CSNK1G2: variants seen among roughly 807,000 people sequenced by gnomAD.
CSNK1G2 encodes the protein casein kinase I isoform gamma-2.
Under a neutral mutation model 48.0 loss-of-function variants are expected in CSNK1G2, and 11 were observed. The ratio of observed to expected loss-of-function variants is 0.23; its 90% CI spans 0.14 to 0.38. The LOEUF (loss-of-function observed/expected upper bound fraction) is 0.38, where lower values mean the gene tolerates loss of function less well. Ranked by LOEUF, CSNK1G2 falls within the 10% of genes least tolerant of loss-of-function variation. The pLI, the probability that CSNK1G2 is intolerant of heterozygous loss-of-function variation, is 1.00. For missense variants in CSNK1G2, 446 were observed against 595.5 expected (o/e 0.75, Z 2.61); for synonymous variants, 337 against 254.1 (o/e 1.33, Z -3.10).
intron 1 of CSNK1G2, among the ~76,000 whole-genome samples, chr19:1,962,743 C>T (rs1026871489): frequency 2.6e-5 from 4 of 152,026 alleles, no homozygotes; most frequent in African/African-American, 4.8e-5. Flanking sequence ...TGGAGGACGA[C>T]TCGGTGCAGC....
chr19:1,969,416 C>T (rs887149993), intron 1 of CSNK1G2, 92 bp from the exon 2 acceptor site: 5 of 176,254 alleles, frequency 2.8e-5, no homozygotes, highest in Non-Finnish European at 5.9e-5. Flanking sequence ...CCAGCAGTCT[C>T]CTGGCTGTGT....
chr19:1,981,334 C>T lies in CSNK1G2; in HGVS notation c.*1131C>T, dbSNP rs1031448556. The T allele has an allele frequency of 3.3e-5, 5 of 152,284 alleles. No homozygotes were observed. Among genetic ancestry groups the T allele is most frequent in the African/African-American group, 1.2e-4 (5 of 41,550 alleles). 9.4% of individuals were successfully genotyped at this position (152,284 alleles called of 1,614,324 possible). On this transcript the variant is annotated 3_prime_UTR_variant, in exon 12 of 12. Coordinates refer to ENST00000255641, the MANE Select transcript of CSNK1G2 (RefSeq NM_001319.7). ...TTAAAAAAATAAAAGAAAAATGAAA[C>T]CAAACCCAAGTGTAGAGGGATTTGT...
intron 1 of CSNK1G2, among the ~76,000 whole-genome samples, chr19:1,966,704 G>A (rs1473785467): frequency 2.6e-5 from 4 of 152,020 alleles, no homozygotes; most frequent in African/African-American, 9.7e-5. Context: ...CATCGCTGTG[G>A]CCAACTTTTT....
chr19:1,980,116 CG>C, intron 11 of CSNK1G2, 32 bp from the exon 12 acceptor site: 1 of 1,612,034 alleles, frequency 6.2e-7, no homozygotes, highest in Non-Finnish European at 8.5e-7. Flanking sequence ...CCCTGCACCC[CG>C]GTCCTCCTAC....
In CSNK1G2 at chr19:1,969,890, C is replaced by T. The variant is rs780833164; in HGVS notation, c.118C>T (p.Leu40=). The T allele has an allele frequency of 7.6e-6, 10 of 1,312,644 alleles. No individual in the cohort carries two copies. The highest frequency in any genetic ancestry group is 7.8e-6 in the Non-Finnish European group (8 of 1,022,188). The allele number at this position is 1,312,644 out of a possible 1,614,324, so 81.3% of individuals were successfully genotyped here. A position where few individuals can be genotyped will look rare whatever the true frequency, so the allele number is the denominator to read the frequency against. ...IRSSGTSSGV[L]MVGPNFRVGK... ...GAGCTCGGGGACCAGCTCGGGGGTCCTGATGGTGGGCCCCAACTTCCGCGT... is the reference window on the plus strand; with the variant it reads ...GAGCTCGGGGACCAGCTCGGGGGTCTTGATGGTGGGCCCCAACTTCCGCGT... The change falls in exon 2 of 12, where the codon CTG becomes TTG. Residue 40 remains leucine, a synonymous_variant. Coordinates refer to ENST00000255641, the MANE Select transcript of CSNK1G2 (RefSeq NM_001319.7).
In CSNK1G2 at chr19:1,978,096, ACGGGCAGGGTGCAG is replaced by A. The variant is rs1443939603; in HGVS notation, c.188-208_188-195del. Among the ~76,000 whole-genome samples the A allele has an allele frequency of 6.6e-6, 1 of 152,012 alleles. No individual in the cohort carries two copies. Among genetic ancestry groups the A allele is most frequent in the African/African-American group, 2.4e-5 (1 of 41,394 alleles). ...TGGCAGACACTGAGGCGGTGACCAC[ACGGGCAGGGTGCAG>A]GTGTCGGGATGACTTGGCAGGCCAT... On this transcript the variant is annotated intron_variant, in intron 2 of 11. Transcript: ENST00000255641. This position sits in a 1 kb window ranked among gnomAD's most constrained non-coding sequence, Gnocchi z 7.3.
chr19:1,955,964 G>A (rs535786858), intron 1 of CSNK1G2, among the ~76,000 whole-genome samples: 46 of 152,326 alleles, frequency 3.0e-4, no homozygotes, highest in African/African-American at 1.1e-3. Flanking sequence ...AGACGCCAGC[G>A]GGGCAGCCTG....
chr19:1,969,306 G>C (rs189409426), intron 1 of CSNK1G2, among the ~76,000 whole-genome samples: 2 of 135,078 alleles, frequency 1.5e-5, no homozygotes, highest in East Asian at 5.0e-4. Flanking sequence ...CAGCCACGCC[G>C]AGATCTCTGG....
chr19:1,944,565 G>A (rs934293862), intron 1 of CSNK1G2, among the ~76,000 whole-genome samples: 3 of 152,072 alleles, frequency 2.0e-5, no homozygotes, highest in Non-Finnish European at 4.4e-5. Flanking sequence ...CTGCGGCCAG[G>A]GGACGGGCCT....
intron 1 of CSNK1G2, among the ~76,000 whole-genome samples, chr19:1,965,829 CTG>C (rs1012194600): frequency 6.6e-6 from 1 of 152,098 alleles, no homozygotes; most frequent in African/African-American, 2.4e-5. Flanking sequence ...CACGGTCTCA[CTG>C]TGTCTCCCAG....
chr19:1,979,266 G>C lies in CSNK1G2; in HGVS notation c.768+18G>C. On this transcript the variant is annotated intron_variant, in intron 7 of 11. Coordinates refer to ENST00000255641, the MANE Select transcript of CSNK1G2 (RefSeq NM_001319.7). ...GGCTCAAGGTGGGCGAGGAGGCCGGGCAGGCGGGCGGGGACGCAGGGCGGG... is the reference window on the plus strand; with the variant it reads ...GGCTCAAGGTGGGCGAGGAGGCCGGCCAGGCGGGCGGGGACGCAGGGCGGG... 2 of 1,564,568 alleles carry C rather than the reference G, an allele frequency of 1.3e-6. No homozygotes were observed. The highest frequency in any genetic ancestry group is 1.7e-6 in the Non-Finnish European group (2 of 1,155,542).
At chr19:1,972,752 A>G (rs757656079) in intron 2 of CSNK1G2, among the ~76,000 whole-genome samples, 3 of 151,742 alleles carry the variant, frequency 2.0e-5, no homozygotes, top group Non-Finnish European at 4.4e-5. Context: ...CCTCCCGAGT[A>G]GCTGGGATTA....
chr19:1,966,207 C>T (rs558917784), intron 1 of CSNK1G2, among the ~76,000 whole-genome samples: 18 of 152,284 alleles, frequency 1.2e-4, no homozygotes, highest in African/African-American at 3.6e-4. Context: ...TTGAAACCCC[C>T]GGAAAGGCTT....
At chr19:1,948,683 C>G (rs1387537837) in intron 1 of CSNK1G2, among the ~76,000 whole-genome samples, 1 of 152,140 alleles carries the variant, frequency 6.6e-6, no homozygotes, top group Admixed American at 6.5e-5. Context: ...AACGTGTGCA[C>G]GCAAGTGGTT....
At chr19:1,972,696 C>T (rs2015612816) in intron 2 of CSNK1G2, among the ~76,000 whole-genome samples, 1 of 152,216 alleles carries the variant, frequency 6.6e-6, no homozygotes, top group African/African-American at 2.4e-5. Context: ...CATCTCGGCT[C>T]ACCACAACCT....
In CSNK1G2 at chr19:1,969,864, G is replaced by A. The variant is rs1020811832; in HGVS notation, c.92G>A (p.Arg31Gln). The change falls in exon 2 of 12, where the codon CGG (arginine) becomes CAG (glutamine). Residue 31 changes from arginine (R) to glutamine (Q), a missense_variant. Arg to Gln is a conservative substitution (Grantham distance 43). Coordinates refer to ENST00000255641, the MANE Select transcript of CSNK1G2 (RefSeq NM_001319.7). ...AGGGRSSHGI[R>Q]SSGTSSGVLM... ...GGGGGCCGGAGCAGCCACGGCATCC[G>A]GAGCTCGGGGACCAGCTCGGGGGTC... The A allele has an allele frequency of 1.5e-6, 2 of 1,311,784 alleles. No individual in the cohort carries two copies. The highest frequency in any genetic ancestry group is 2.0e-6 in the Non-Finnish European group (2 of 1,021,558). 81.3% of individuals were successfully genotyped at this position (1,311,784 alleles called of 1,614,324 possible). A position where few individuals can be genotyped will look rare whatever the true frequency, so the allele number is the denominator to read the frequency against.
rs1434457175 is a variant in CSNK1G2 at position 1,969,479 on chromosome 19, T to C, written c.-265-29T>C. On this transcript the variant is annotated intron_variant, in intron 1 of 11. Transcript: ENST00000255641. ...AGTGGCCCCGCGGGGGCCTTGCCGGTGCTCACCTGTGCCTCTGTTTCTCTG... is the reference window on the plus strand; with the variant it reads ...AGTGGCCCCGCGGGGGCCTTGCCGGCGCTCACCTGTGCCTCTGTTTCTCTG... 6 of 244,178 alleles carry C rather than the reference T, an allele frequency of 2.5e-5. No individual in the cohort carries two copies. In the East Asian group the frequency reaches 4.4e-4, roughly 18 times the overall value. 15.1% of individuals were successfully genotyped at this position (244,178 alleles called of 1,614,324 possible). A position where few individuals can be genotyped will look rare whatever the true frequency, so the allele number is the denominator to read the frequency against.
chr19:1,956,311 A>C (rs941609862), intron 1 of CSNK1G2, among the ~76,000 whole-genome samples: 1 of 152,072 alleles, frequency 6.6e-6, no homozygotes, highest in Non-Finnish European at 1.5e-5. Flanking sequence ...TGCAGCTGGG[A>C]TGGGGATTTG....
In CSNK1G2 at chr19:1,957,449, C is replaced by T. The variant is rs966405024; in HGVS notation, c.-265-12059C>T. Among the ~76,000 whole-genome samples the T allele has an allele frequency of 5.3e-5, 8 of 152,204 alleles. No homozygotes were observed. Among genetic ancestry groups the T allele is most frequent in the South Asian group, 4.1e-4 (2 of 4,834 alleles). ...AGCCTGGGAGAGAAGGGGGCTGCCC[C>T]GAGCGGCTTGGGTGGCCGGGCCTGT... On this transcript the variant is annotated intron_variant, in intron 1 of 11. Coordinates refer to ENST00000255641, the MANE Select transcript of CSNK1G2 (RefSeq NM_001319.7). This position sits in a 1 kb window ranked among gnomAD's most constrained non-coding sequence, Gnocchi z 5.4.
Sources: allele counts gnomAD v4.1 joint callset (sites outside exome capture counted in the v4.1 genomes callset), GRCh38; gene constraint gnomAD v4.1.1; non-coding constraint Gnocchi (gnomAD v3.1); transcripts MANE v1.5; gene names NCBI Gene and HGNC (gene_info 2026-07-23, HGNC 2026-07-21).